CACNB2: variants seen among roughly 807,000 people sequenced by gnomAD.
The protein encoded by CACNB2 is voltage-dependent L-type calcium channel subunit beta-2.
CACNB2 carries 42 observed loss-of-function variants against 73.3 expected under a neutral mutation model. That is an observed-to-expected ratio of 0.57 (90% CI 0.45 to 0.74). The LOEUF (loss-of-function observed/expected upper bound fraction) is 0.74. Ranked by LOEUF, CACNB2 falls within the 30% of genes least tolerant of loss-of-function variation. CACNB2 has a pLI of 0.00. For synonymous variants in CACNB2, 348 were observed against 310.3 expected, an observed-to-expected ratio of 1.12 and a Z score of -1.28; for missense variants, 940 against 853.0, an observed-to-expected ratio of 1.10 and a Z score of -1.27.
Position 18,492,639 on chromosome 10 carries a change from G to A in CACNB2, c.334-5716G>A, listed in dbSNP as rs10578418. Among the ~76,000 whole-genome samples the A allele has an allele frequency of 5.4e-3, 538 of 98,804 alleles. 9 individuals are homozygous for A. Among genetic ancestry groups the A allele is most frequent in the South Asian group, 0.018 (47 of 2,640 alleles). The allele number at this position is 98,804 out of a possible 152,430, so 64.8% of individuals were successfully genotyped here. ...CTGTCTCAAAAAAAAAAAAAAAAAA[G>A]AAAAAAAGAAAAGAAAAGAAAAAAG... is the stretch of plus-strand genomic sequence containing the variant. On this transcript the variant is annotated intron_variant, in intron 3 of 13. Transcript: ENST00000324631.
intron 2 of CACNB2, among the ~76,000 whole-genome samples, chr10:18,278,917 T>A (rs1435727530): frequency 6.6e-6 from 1 of 152,012 alleles, no homozygotes; most frequent in Non-Finnish European, 1.5e-5. Context: ...TTAGGGAGGC[T>A]GAGGTGGGAG....
At chr10:18,336,595 G>A (rs10828534) in intron 2 of CACNB2, among the ~76,000 whole-genome samples, 34,515 of 151,640 alleles carry the variant, frequency 0.23, 4,291 homozygotes, top group African/African-American at 0.32. Flanking sequence ...CTCCAGCCTG[G>A]GTAACAGAGA....
chr10:18,309,527 G>A (rs538134818), intron 2 of CACNB2, among the ~76,000 whole-genome samples: 238 of 152,148 alleles, frequency 1.6e-3, no homozygotes, highest in Non-Finnish European at 2.8e-3. Context: ...GTGCGATCTC[G>A]GCTCACTGCA....
chr10:18,188,611 G>C (rs895998714), intron 2 of CACNB2, among the ~76,000 whole-genome samples: 1 of 151,978 alleles, frequency 6.6e-6, no homozygotes, highest in Non-Finnish European at 1.5e-5. Flanking sequence ...GGCCTTCTTT[G>C]TGTATTTCTG....
intron 3 of CACNB2, among the ~76,000 whole-genome samples, chr10:18,472,555 G>A (rs908401665): frequency 2.6e-5 from 4 of 151,898 alleles, no homozygotes; most frequent in South Asian, 2.1e-4. Flanking sequence ...ATTTTTCTAC[G>A]CTTCTTGCCT....
At chr10:18,528,184 G>A (rs1917823) in intron 10 of CACNB2, among the ~76,000 whole-genome samples, 128,962 of 152,256 alleles carry the variant, frequency 0.85, 55,107 homozygotes, top group East Asian at 0.98. Context: ...TCAGGAGAGT[G>A]TAATTTGTGG....
intron 3 of CACNB2, among the ~76,000 whole-genome samples, chr10:18,435,773 T>C (rs753646988): frequency 2.6e-5 from 4 of 152,090 alleles, no homozygotes; most frequent in Non-Finnish European, 5.9e-5. Flanking sequence ...GTGCTGGGAA[T>C]ACAAGCATGA....
At chr10:18,400,491 T>G in intron 2 of CACNB2, 2 of 686,266 alleles carry the variant, frequency 2.9e-6, no homozygotes, top group Non-Finnish European at 3.6e-6. Flanking sequence ...CAGTGTGATG[T>G]GAGCATCTGC....
At chr10:18,399,561 CTT>C (rs34728466) in intron 2 of CACNB2, among the ~76,000 whole-genome samples, 1 of 151,812 alleles carries the variant, frequency 6.6e-6, no homozygotes, top group Non-Finnish European at 1.5e-5. Flanking sequence ...GGGAGGAAGA[CTT>C]TTTGAGATAG....
intron 2 of CACNB2, among the ~76,000 whole-genome samples, chr10:18,270,633 G>A (rs1192785119): frequency 6.6e-6 from 1 of 151,970 alleles, no homozygotes; most frequent in Non-Finnish European, 1.5e-5. Flanking sequence ...GTCCCCCAGT[G>A]GCATTGAATT....
rs1456648868 is a variant in CACNB2, at chr10:18,400,798, A to G, written c.214-1126A>G. On this transcript the variant is annotated intron_variant, in intron 2 of 13. Transcript: ENST00000324631. ...TTGTCTTCTTTATTTTTAAAGCAATATAAAGCACTCGAGTGTGTGTTTTCA... is the reference window on the plus strand; with the variant it reads ...TTGTCTTCTTTATTTTTAAAGCAATGTAAAGCACTCGAGTGTGTGTTTTCA... 8 of 1,429,494 alleles carry G rather than the reference A, an allele frequency of 5.6e-6. 1 individual carries two copies. The highest frequency in any genetic ancestry group is 4.5e-5 in the South Asian group (3 of 66,044). 88.6% of individuals were successfully genotyped at this position (1,429,494 alleles called of 1,614,324 possible).
At chr10:18,409,654 C>A (rs2044504887) in intron 3 of CACNB2, among the ~76,000 whole-genome samples, 1 of 152,188 alleles carries the variant, frequency 6.6e-6, no homozygotes, top group African/African-American at 2.4e-5. Context: ...GCTCCAAATG[C>A]AGTGGCAAAG....
At chr10:18,525,164 G>A (rs973806101) in intron 9 of CACNB2, among the ~76,000 whole-genome samples, 2 of 151,828 alleles carry the variant, frequency 1.3e-5, no homozygotes, top group Admixed American at 6.6e-5. Context: ...ATTCTAGCCT[G>A]TTGCAGTGTA....
intron 2 of CACNB2, among the ~76,000 whole-genome samples, chr10:18,220,232 T>TAGAGAGAGAGAGAG (rs1169176468): frequency 1.0e-3 from 25 of 25,086 alleles, no homozygotes; most frequent in South Asian, 1.9e-3. Context: ...TATATATATA[T>TAGAGAGAGAGAGAG]AGAGAGAGAG....
intron 2 of CACNB2, among the ~76,000 whole-genome samples, chr10:18,215,845 T>C (rs1010342029): frequency 6.6e-6 from 1 of 152,092 alleles, no homozygotes; most frequent in South Asian, 2.1e-4. Flanking sequence ...TGTGGTCTGG[T>C]TTTTCAGTCT....
chr10:18,412,478 C>T (rs2044690273), intron 3 of CACNB2, among the ~76,000 whole-genome samples: 1 of 152,304 alleles, frequency 6.6e-6, no homozygotes, highest in African/African-American at 2.4e-5. Context: ...TCAATTTCTT[C>T]CCTACTTACT....
At chr10:18,167,499 G>A (rs903344253) in intron 2 of CACNB2, among the ~76,000 whole-genome samples, 4 of 152,242 alleles carry the variant, frequency 2.6e-5, no homozygotes, top group East Asian at 3.9e-4. Flanking sequence ...ATACAGCCTC[G>A]GGGAGGAGGG....
intron 2 of CACNB2, among the ~76,000 whole-genome samples, chr10:18,381,685 T>C (rs2043024529): frequency 7.5e-6 from 1 of 132,828 alleles, no homozygotes. Flanking sequence ...TGAGACTCCG[T>C]CTCAAAAAAA....
At chr10:18,498,205 G>A (rs377426835) in intron 3 of CACNB2, 150 bp from the exon 4 acceptor site, 68 of 916,334 alleles carry the variant, frequency 7.4e-5, no homozygotes, top group Non-Finnish European at 9.1e-5. Flanking sequence ...TTTTGAATAC[G>A]AACAAGCTGT....
Sources: allele counts gnomAD v4.1 joint callset (sites outside exome capture counted in the v4.1 genomes callset), GRCh38; gene constraint gnomAD v4.1.1; transcripts MANE v1.5; gene names NCBI Gene and HGNC (gene_info 2026-07-23, HGNC 2026-07-21).